The following PRKD1 variants were observed in gnomAD, a reference collection of about 807,000 sequenced individuals.
The protein encoded by PRKD1 is protein kinase D1, also known as serine/threonine-protein kinase D1.
In PRKD1, 63 loss-of-function variants were observed where a neutral mutation model predicts 95.9. The observed-to-expected ratio is 0.66, with a 90% confidence interval of 0.54 to 0.81. The LOEUF is 0.81. Ranked by LOEUF, PRKD1 falls within the 30% of genes least tolerant of loss-of-function variation. PRKD1 has a pLI of 0.00. For missense variants in PRKD1, 1,048 were observed against 1,165.3 expected, an observed-to-expected ratio of 0.90 and a Z score of 1.47; for synonymous variants, 425 against 423.1, an observed-to-expected ratio of 1.00 and a Z score of -0.05.
At chr14:29,812,793 T>C (rs1483259977) in intron 1 of PRKD1, among the ~76,000 whole-genome samples, 1 of 152,176 alleles carries the variant, frequency 6.6e-6, no homozygotes, top group Non-Finnish European at 1.5e-5. Context: ...CCAAACCATA[T>C]CAGTTATATT....
intron 1 of PRKD1, among the ~76,000 whole-genome samples, chr14:29,814,610 T>C (rs1339252962): frequency 6.6e-6 from 1 of 152,182 alleles, no homozygotes; most frequent in Non-Finnish European, 1.5e-5. Context: ...CTGACTTTGA[T>C]GCACTTTTTC....
chr14:29,826,838 TACACAC>T (rs1162574324), intron 1 of PRKD1, among the ~76,000 whole-genome samples: 1,886 of 17,272 alleles, frequency 0.11, 479 homozygotes, highest in South Asian at 0.16. Flanking sequence ...TATATATATA[TACACAC>T]ATATATATAT....
chr14:29,826,560 TG>T (rs1322211882), intron 1 of PRKD1, among the ~76,000 whole-genome samples: 100 of 35,300 alleles, frequency 2.8e-3, no homozygotes, highest in Middle Eastern at 0.042. Context: ...ATATATATGA[TG>T]GAATATATAT....
At chr14:29,596,197 T>C (rs1319956511) in intron 16 of PRKD1, among the ~76,000 whole-genome samples, 4 of 152,156 alleles carry the variant, frequency 2.6e-5, no homozygotes, top group African/African-American at 9.7e-5. Flanking sequence ...AATAACTTAA[T>C]TTCTCCTAAG....
intron 1 of PRKD1, among the ~76,000 whole-genome samples, chr14:29,915,571 T>TG (rs34718513): frequency 2.6e-5 from 4 of 152,018 alleles, no homozygotes; most frequent in Middle Eastern, 3.4e-3. Flanking sequence ...GGGTGGGAAG[T>TG]GGGGGGGAAT....
intron 16 of PRKD1, among the ~76,000 whole-genome samples, chr14:29,581,408 C>T (rs1177934020): frequency 6.6e-6 from 1 of 151,944 alleles, no homozygotes; most frequent in Non-Finnish European, 1.5e-5. Context: ...TTATTTAGTC[C>T]TTATAACAAC....
chr14:29,713,263 A>C (rs1028476961), intron 2 of PRKD1, among the ~76,000 whole-genome samples: 1 of 152,138 alleles, frequency 6.6e-6, no homozygotes, highest in African/African-American at 2.4e-5. Context: ...CCATAAAACA[A>C]TCTTGATCAA....
At chr14:29,882,298 T>C (rs572241660) in intron 1 of PRKD1, among the ~76,000 whole-genome samples, 3 of 152,324 alleles carry the variant, frequency 2.0e-5, no homozygotes, top group Non-Finnish European at 2.9e-5. Context: ...TTAGGACAAA[T>C]AGTGACTCAC....
At chr14:29,726,841 TA>T (rs1314862596) in intron 1 of PRKD1, among the ~76,000 whole-genome samples, 1 of 150,922 alleles carries the variant, frequency 6.6e-6, no homozygotes. Context: ...GTGTGCTAAC[TA>T]AAAGAAAAAA....
At chr14:29,743,382 T>G (rs1566574879) in intron 1 of PRKD1, among the ~76,000 whole-genome samples, 2 of 151,990 alleles carry the variant, frequency 1.3e-5, no homozygotes, top group Non-Finnish European at 2.9e-5. Context: ...AAATTAAAAC[T>G]GAAACATTTG....
At chr14:29,578,032 T>C (rs1415148011) in intron 17 of PRKD1, among the ~76,000 whole-genome samples, 1 of 152,032 alleles carries the variant, frequency 6.6e-6, no homozygotes, top group Non-Finnish European at 1.5e-5. Context: ...CTTTTGGTTT[T>C]GGGCTGTGTG....
chr14:29,748,295 T>C (rs983495882), intron 1 of PRKD1, among the ~76,000 whole-genome samples: 15 of 152,336 alleles, frequency 9.8e-5, no homozygotes, highest in African/African-American at 2.9e-4. Context: ...ATGAATTAAA[T>C]ATAAATAGCT....
chr14:29,737,357 A>AAAAAAG (rs1555340095), intron 1 of PRKD1, among the ~76,000 whole-genome samples: 4 of 147,842 alleles, frequency 2.7e-5, no homozygotes, highest in African/African-American at 2.5e-5. Flanking sequence ...AAAAAAAAAA[A>AAAAAAG]AAAAATACTC....
At chr14:29,911,644 G>A (rs1894717997) in intron 1 of PRKD1, among the ~76,000 whole-genome samples, 2 of 152,134 alleles carry the variant, frequency 1.3e-5, no homozygotes, top group Admixed American at 1.3e-4. Flanking sequence ...GATCCACTTT[G>A]GGGCTTATCT....
intron 6 of PRKD1, 187 bp downstream of exon 6, chr14:29,638,302 T>C (rs1282895706): frequency 4.9e-6 from 3 of 615,072 alleles, no homozygotes; most frequent in Non-Finnish European, 8.5e-6. Context: ...AAAGGGTCTT[T>C]GACTGTTATC....
intron 1 of PRKD1, among the ~76,000 whole-genome samples, chr14:29,895,054 G>T (rs969392567): frequency 6.6e-6 from 1 of 152,138 alleles, no homozygotes; most frequent in Non-Finnish European, 1.5e-5. Flanking sequence ...ACAAATAGCC[G>T]GGCGCTGTGG....
intron 16 of PRKD1, among the ~76,000 whole-genome samples, chr14:29,595,414 A>G (rs2139000495): frequency 6.6e-6 from 1 of 152,258 alleles, no homozygotes; most frequent in Non-Finnish European, 1.5e-5. Context: ...GAAATATATT[A>G]TCATTTTATC....
intron 1 of PRKD1, among the ~76,000 whole-genome samples, chr14:29,797,242 G>A (rs936671282): frequency 6.6e-6 from 1 of 152,178 alleles, no homozygotes; most frequent in African/African-American, 2.4e-5. Context: ...ATGCAAAGCC[G>A]TATCAGATGG....
At chr14:29,925,388 T>G (rs10142263) in intron 1 of PRKD1, among the ~76,000 whole-genome samples, 3,495 of 152,296 alleles carry the variant, frequency 0.023, 127 homozygotes, top group African/African-American at 0.079. Flanking sequence ...TTACTGAGGC[T>G]TCTAGCAATT....
Sources: gnomAD v4.1 joint callset for allele counts (sites outside exome capture counted in the v4.1 genomes callset) on GRCh38, gnomAD v4.1.1 for gene constraint, MANE v1.5 for transcripts, NCBI Gene and HGNC (gene_info 2026-07-23, HGNC 2026-07-21) for gene names.